Variants in COL11A1 observed in about 807,000 individuals in gnomAD.
COL11A1 encodes the protein collagen type XI alpha 1 chain.
In COL11A1, 74 loss-of-function variants were observed where a neutral mutation model predicts 265.2. The ratio of observed to expected loss-of-function variants is 0.28; its 90% CI spans 0.23 to 0.34. COL11A1 has a LOEUF of 0.34. COL11A1 is among the 10% of genes least tolerant of loss of function. COL11A1 has a pLI of 1.00. For missense variants in COL11A1, 2,165 were observed against 2,263.6 expected, an observed-to-expected ratio of 0.96 and a Z score of 0.88; for synonymous variants, 816 against 727.6, an observed-to-expected ratio of 1.12 and a Z score of -1.96.
At chr1:103,095,914 A>C (rs1033748430) in intron 1 of COL11A1, among the ~76,000 whole-genome samples, 3 of 152,026 alleles carry the variant, frequency 2.0e-5, no homozygotes, top group African/African-American at 7.2e-5. Flanking sequence ...TATAAAAAAG[A>C]TTGACTGCAT....
rs549510762 is a variant in COL11A1 at position 103,049,634 on chromosome 1, C to A, written c.652-18390G>T. Among the ~76,000 whole-genome samples, 16 of 152,264 alleles carry A rather than the reference C, an allele frequency of 1.1e-4. No individual in the cohort carries two copies. In the South Asian group the frequency reaches 3.3e-3, roughly 32 times the overall value. On this transcript the variant is annotated intron_variant, in intron 4 of 66. Coordinates refer to ENST00000370096, the MANE Select transcript of COL11A1 (RefSeq NM_001854.4). ...AATATCGTTATGTGTTAATTTGATC[C>A]TGCCATTATGATGTCAGCTGGCTAT...
At chr1:103,019,890 C>T (rs541365380) in intron 9 of COL11A1, among the ~76,000 whole-genome samples, 4 of 150,350 alleles carry the variant, frequency 2.7e-5, no homozygotes, top group African/African-American at 9.8e-5. Flanking sequence ...TTTCCAATTT[C>T]ATCCATGTCC....
intron 43 of COL11A1, among the ~76,000 whole-genome samples, chr1:102,939,343 T>C (rs1658480431): frequency 6.6e-6 from 1 of 152,182 alleles, no homozygotes; most frequent in Non-Finnish European, 1.5e-5. Context: ...TTGTCTCAAA[T>C]ATTACCTGTA....
rs568911647 is a variant in COL11A1, at chr1:103,008,938, C to T, written c.1630-422G>A. On this transcript the variant is annotated intron_variant, in intron 14 of 66. Transcript: ENST00000370096. The stretch of plus-strand genomic sequence containing the variant: ...ACTGTAAGGACTTGACAAAATGTTA[C>T]TGCTTTTATATTCAGATTTTTTTAG... 7.9e-5 allele frequency among the ~76,000 whole-genome samples: 12 copies of T among 152,288 alleles called. No individual in the cohort carries two copies. The South Asian group carries it at 2.3e-3, about 29-fold the overall frequency.
chr1:103,002,093 C>A, intron 23 of COL11A1, 124 bp from the exon 24 acceptor site: 1 of 839,432 alleles, frequency 1.2e-6, no homozygotes, highest in Non-Finnish European at 2.0e-6. Context: ...TATTCCCATA[C>A]ACCCCAAGGA....
At chr1:102,904,564 G>A (rs912087335) in intron 54 of COL11A1, among the ~76,000 whole-genome samples, 10 of 152,002 alleles carry the variant, frequency 6.6e-5, no homozygotes, top group African/African-American at 1.9e-4. Context: ...AGTGGGTGAA[G>A]GATATGAACA....
chr1:102,879,003 C>T (rs572607186), intron 66 of COL11A1, among the ~76,000 whole-genome samples: 2 of 152,110 alleles, frequency 1.3e-5, no homozygotes, highest in East Asian at 3.9e-4. Context: ...CCAACTCTTG[C>T]TCCATTCATT....
Position 102,945,702 on chromosome 1 carries a change from A to C in COL11A1, c.3276+1147T>G, listed in dbSNP as rs542284144. On this transcript the variant is annotated intron_variant, in intron 42 of 66. Transcript: ENST00000370096. ...CAGTTTGTGTTTTAATCTTGTAGGA[A>C]GAGAGAATCATTTTTAAAAAATACA... Among the ~76,000 whole-genome samples, 5 of 152,288 alleles carry C rather than the reference A, an allele frequency of 3.3e-5. No homozygotes were observed. In the South Asian group the frequency reaches 8.3e-4, roughly 25 times the overall value.
intron 41 of COL11A1, among the ~76,000 whole-genome samples, chr1:102,955,163 G>A (rs145501449): frequency 2.0e-5 from 3 of 151,906 alleles, no homozygotes; most frequent in East Asian, 3.9e-4. Context: ...TTGGCATGTC[G>A]GTACATGACA....
At position 102,962,717 on chromosome 1, in the gene COL11A1, G is replaced by T. The variant is rs1414541088; in HGVS notation, c.2960C>A (p.Pro987His). 1 of 1,614,150 alleles carries T rather than the reference G, an allele frequency of 6.2e-7. No individual in the cohort carries two copies. The highest frequency in any genetic ancestry group is 8.5e-7 in the Non-Finnish European group (1 of 1,180,000). ...ETGPIGERGH[P>H]GPPGPPGEQG... ...CTCACCAGGAGGGCCAGGAGGGCCA[G>T]GATGCCCACGTTCCCCTATTGGACC... is the stretch of plus-strand genomic sequence containing the variant. Residue 987 changes from proline to histidine, a missense_variant, in exon 39 of 67, where the codon CCT (proline) becomes CAT (histidine). Pro to His is a moderately conservative substitution (Grantham distance 77, BLOSUM62 -2). Transcript: ENST00000370096.
Position 102,998,373 on chromosome 1 carries a change from A to C in COL11A1, c.2143-10T>G. Reference sequence around the variant, plus strand: ...GTTTTCCTTGTGGTCCCTTATAGAGAAAAAAAAAATATTAAAAAGATAAAA... The same window carrying C: ...GTTTTCCTTGTGGTCCCTTATAGAGCAAAAAAAAATATTAAAAAGATAAAA... On this transcript the variant is annotated splice_polypyrimidine_tract_variant and intron_variant, in intron 24 of 66. Coordinates refer to ENST00000370096, the MANE Select transcript of COL11A1 (RefSeq NM_001854.4). 1 of 1,414,726 alleles carries C rather than the reference A, an allele frequency of 7.1e-7. No individual in the cohort carries two copies. Among genetic ancestry groups the C allele is most frequent in the Non-Finnish European group, 9.5e-7 (1 of 1,048,522 alleles). 87.6% of individuals were successfully genotyped at this position (1,414,726 alleles called of 1,614,324 possible).
chr1:102,937,791 A>C (rs1570792513), intron 44 of COL11A1, among the ~76,000 whole-genome samples: 1 of 152,076 alleles, frequency 6.6e-6, no homozygotes, highest in Admixed American at 6.5e-5. Context: ...AAGCCAAGTA[A>C]CCCTATTTTC....
chr1:102,900,667 T>C (rs1165610782), intron 54 of COL11A1, among the ~76,000 whole-genome samples: 3 of 152,074 alleles, frequency 2.0e-5, no homozygotes, highest in Admixed American at 1.3e-4. Context: ...AAATATCACC[T>C]TTACTTCAAA....
At chr1:102,921,475 T>A (rs1655983718) in intron 48 of COL11A1, 43 bp downstream of exon 48, 2 of 1,449,162 alleles carry the variant, frequency 1.4e-6, no homozygotes, top group South Asian at 1.2e-5. Context: ...TAACAATACC[T>A]ATATAACTTC....
At chr1:102,904,212 C>T (rs576878511) in intron 54 of COL11A1, among the ~76,000 whole-genome samples, 1 of 152,110 alleles carries the variant, frequency 6.6e-6, no homozygotes, top group South Asian at 2.1e-4. Flanking sequence ...CAGTTTTATA[C>T]AAAAATTAAT....
intron 4 of COL11A1, among the ~76,000 whole-genome samples, chr1:103,067,378 T>G (rs1671238935): frequency 6.6e-6 from 1 of 151,818 alleles, no homozygotes; most frequent in Admixed American, 6.6e-5. Flanking sequence ...AACATCACTG[T>G]ATAATTAGTG....
chr1:103,005,244 G>C (rs555645201), intron 18 of COL11A1, among the ~76,000 whole-genome samples: 2 of 151,930 alleles, frequency 1.3e-5, no homozygotes, highest in Non-Finnish European at 2.9e-5. Context: ...TATTAATGCT[G>C]TTAAAGAAAG....
At chr1:103,048,005 C>T (rs539897976) in intron 4 of COL11A1, among the ~76,000 whole-genome samples, 2 of 152,210 alleles carry the variant, frequency 1.3e-5, no homozygotes, top group Admixed American at 6.5e-5. Flanking sequence ...TTCAGTTTGC[C>T]AGTATTTTAT....
At chr1:103,041,640 C>T (rs1337177) in intron 4 of COL11A1, among the ~76,000 whole-genome samples, 12,139 of 151,594 alleles carry the variant, frequency 0.08, 543 homozygotes, top group Middle Eastern at 0.16. Context: ...GTATGTAATT[C>T]GGAGAGGACT....
Sources: gnomAD v4.1 joint callset for allele counts (sites outside exome capture counted in the v4.1 genomes callset) on GRCh38, gnomAD v4.1.1 for gene constraint, MANE v1.5 for transcripts, NCBI Gene and HGNC (gene_info 2026-07-23, HGNC 2026-07-21) for gene names.